The following SEZ6L variants were observed in gnomAD, a reference collection of about 807,000 sequenced individuals.
The protein encoded by SEZ6L is seizure related 6 homolog like.
A neutral mutation model predicts 106.2 loss-of-function variants in SEZ6L; 37 were observed. That is an observed-to-expected ratio of 0.35 (90% confidence interval 0.27 to 0.46). The LOEUF is 0.46. Ranked by LOEUF, SEZ6L falls within the 20% of genes least tolerant of loss-of-function variation. The pLI is 1.00. For synonymous variants in SEZ6L, 541 were observed against 570.4 expected (o/e 0.95, Z 0.73); for missense variants, 1,172 against 1,332.8 (o/e 0.88, Z 1.88).
intron 13 of SEZ6L, among the ~76,000 whole-genome samples, chr22:26,369,142 C>A (rs1181428072): frequency 6.6e-6 from 1 of 151,752 alleles, no homozygotes; most frequent in Admixed American, 6.6e-5. Flanking sequence ...CAAACATAAA[C>A]GGAGTCCTGA....
At chr22:26,172,763 AAAAATTATTGGTCACCCT>A (rs532707837) in intron 1 of SEZ6L, among the ~76,000 whole-genome samples, 361 of 152,312 alleles carry the variant, frequency 2.4e-3, no homozygotes, top group Non-Finnish European at 3.3e-3. Context: ...TTTCTCAGAG[AAAAATTATTGGTCACCCT>A]TGACACACGC....
chr22:26,258,147 A>G (rs2079884997), intron 1 of SEZ6L, among the ~76,000 whole-genome samples: 1 of 152,196 alleles, frequency 6.6e-6, no homozygotes, highest in Non-Finnish European at 1.5e-5. Context: ...AGGAGAGACC[A>G]GAGGAGAAGG....
At chr22:26,371,159 A>G (rs764944870) in intron 13 of SEZ6L, among the ~76,000 whole-genome samples, 3 of 152,052 alleles carry the variant, frequency 2.0e-5, no homozygotes, top group Non-Finnish European at 4.4e-5. Context: ...TCCTCTGTTG[A>G]TGGAGACATC....
At chr22:26,223,307 G>A (rs1017493895) in intron 1 of SEZ6L, among the ~76,000 whole-genome samples, 5 of 152,132 alleles carry the variant, frequency 3.3e-5, no homozygotes, top group African/African-American at 1.2e-4. Context: ...AGTCCAGGTA[G>A]GTCTCATTCC....
At chr22:26,234,920 A>T (rs1484422329) in intron 1 of SEZ6L, among the ~76,000 whole-genome samples, 5 of 152,230 alleles carry the variant, frequency 3.3e-5, no homozygotes, top group Non-Finnish European at 7.3e-5. Flanking sequence ...ACAGATTAGT[A>T]GGAGTTCAAC....
chr22:26,275,589 A>T (rs2080516895), intron 1 of SEZ6L, among the ~76,000 whole-genome samples: 2 of 152,198 alleles, frequency 1.3e-5, no homozygotes, highest in African/African-American at 4.8e-5. Flanking sequence ...CTGCAGAGTG[A>T]GTTAATAAGG....
At chr22:26,334,543 A>G (rs1410475430) in intron 9 of SEZ6L, among the ~76,000 whole-genome samples, 1 of 152,158 alleles carries the variant, frequency 6.6e-6, no homozygotes, top group Non-Finnish European at 1.5e-5. Flanking sequence ...GAGGGAGCAG[A>G]TCTGATTTAC....
chr22:26,226,049 C>T (rs532375272), intron 1 of SEZ6L, among the ~76,000 whole-genome samples: 1 of 152,328 alleles, frequency 6.6e-6, no homozygotes, highest in East Asian at 1.9e-4. Flanking sequence ...CAAAGTAACT[C>T]GATTTTCTCC....
chr22:26,261,954 C>G (rs2080022444), intron 1 of SEZ6L, among the ~76,000 whole-genome samples: 1 of 151,952 alleles, frequency 6.6e-6, no homozygotes, highest in Non-Finnish European at 1.5e-5. Flanking sequence ...GAGTGATCAT[C>G]CAGAAGTGAG....
intron 10 of SEZ6L, among the ~76,000 whole-genome samples, chr22:26,343,106 G>C (rs1033636127): frequency 1.3e-5 from 2 of 152,076 alleles, no homozygotes; most frequent in African/African-American, 4.8e-5. Context: ...TCTTTTCTGG[G>C]CAGTGCCCTG....
intron 1 of SEZ6L, among the ~76,000 whole-genome samples, chr22:26,175,013 A>G (rs910080148): frequency 1.3e-5 from 2 of 152,202 alleles, no homozygotes; most frequent in Admixed American, 6.5e-5. Context: ...TCACAAAGGG[A>G]TTGAAGTCCA....
intron 5 of SEZ6L, among the ~76,000 whole-genome samples, chr22:26,301,023 T>A (rs1203071472): frequency 6.6e-6 from 1 of 152,218 alleles, no homozygotes; most frequent in Non-Finnish European, 1.5e-5. Flanking sequence ...ACTACTGCCA[T>A]TTTTCAAGCC....
intron 5 of SEZ6L, among the ~76,000 whole-genome samples, chr22:26,300,398 T>A (rs1187172964): frequency 6.6e-6 from 1 of 151,888 alleles, no homozygotes; most frequent in African/African-American, 2.4e-5. Flanking sequence ...AGTGAGAACA[T>A]GCGGTGTTTG....
chr22:26,373,573 A>C (rs1076661), intron 14 of SEZ6L, 90 bp downstream of exon 14: 95,393 of 975,402 alleles, frequency 0.098, 5,766 homozygotes, highest in Non-Finnish European at 0.11. Flanking sequence ...TTATTTAGAC[A>C]CTTAAAAAAT....
At chr22:26,340,071 C>A (rs757507355) in intron 9 of SEZ6L, among the ~76,000 whole-genome samples, 50 of 152,036 alleles carry the variant, frequency 3.3e-4, no homozygotes, top group African/African-American at 8.5e-4. Flanking sequence ...CCCATCTCTA[C>A]TAAATACAAA....
intron 11 of SEZ6L, among the ~76,000 whole-genome samples, chr22:26,348,557 GGA>G (rs2083091832): frequency 1.3e-4 from 6 of 46,132 alleles, no homozygotes; most frequent in Non-Finnish European, 2.5e-4. Context: ...AAGGAAGGAA[GGA>G]AGGGAGGAAA....
At chr22:26,211,804 T>TAAAA (rs56124325) in intron 1 of SEZ6L, among the ~76,000 whole-genome samples, 24 of 48,062 alleles carry the variant, frequency 5.0e-4, no homozygotes, top group East Asian at 3.2e-3. Context: ...ACCTCGTCTC[T>TAAAA]AAAAAAAAAA....
intron 6 of SEZ6L, among the ~76,000 whole-genome samples, chr22:26,308,905 G>A (rs929413331): frequency 6.6e-6 from 1 of 152,112 alleles, no homozygotes; most frequent in African/African-American, 2.4e-5. Flanking sequence ...CCAACACACA[G>A]CCCCTAAGAT....
At chr22:26,341,572 A>T (rs138417218) in intron 10 of SEZ6L, among the ~76,000 whole-genome samples, 32 of 151,916 alleles carry the variant, frequency 2.1e-4, no homozygotes, top group Non-Finnish European at 4.1e-4. Flanking sequence ...TTGACCTTAA[A>T]CTCCAAATCC....
Sources: gnomAD v4.1 joint callset for allele counts (sites outside exome capture counted in the v4.1 genomes callset) on GRCh38, gnomAD v4.1.1 for gene constraint, MANE v1.5 for transcripts, NCBI Gene and HGNC (gene_info 2026-07-23, HGNC 2026-07-21) for gene names.